RALGAPA2: variants seen among roughly 807,000 people sequenced by gnomAD.
The protein encoded by RALGAPA2 is Ral GTPase activating protein catalytic subunit alpha 2, also known as ral GTPase-activating protein subunit alpha-2.
RALGAPA2 carries 139 observed loss-of-function variants against 230.4 expected under a neutral mutation model. The observed-to-expected ratio is 0.60, with a 90% CI of 0.53 to 0.69. The LOEUF is 0.69. RALGAPA2 is among the 30% of genes least tolerant of loss of function. RALGAPA2 has a pLI of 0.00. For synonymous variants in RALGAPA2, 847 were observed against 837.8 expected, an observed-to-expected ratio of 1.01 and a Z score of -0.19; for missense variants, 2,163 against 2,276.0, an observed-to-expected ratio of 0.95 and a Z score of 1.01.
At chr20:20,621,076 G>C (rs967885764) in intron 10 of RALGAPA2, among the ~76,000 whole-genome samples, 3 of 151,752 alleles carry the variant, frequency 2.0e-5, no homozygotes, top group African/African-American at 7.3e-5. Context: ...AGGAGGTGGA[G>C]GTTGCAGTGA....
At chr20:20,582,010 G>A (rs948637050) in intron 20 of RALGAPA2, among the ~76,000 whole-genome samples, 4 of 151,996 alleles carry the variant, frequency 2.6e-5, no homozygotes, top group South Asian at 2.1e-4. Context: ...AGCCTTTCCC[G>A]CACTGATTCC....
chr20:20,400,479 C>G (rs1260770097), intron 38 of RALGAPA2, among the ~76,000 whole-genome samples: 1 of 152,150 alleles, frequency 6.6e-6, no homozygotes, highest in Non-Finnish European at 1.5e-5. Flanking sequence ...AAAAATTTTC[C>G]TGGCATTTTT....
chr20:20,639,987 A>G, intron 6 of RALGAPA2, 87 bp from the exon 7 acceptor site: 1 of 972,596 alleles, frequency 1.0e-6, no homozygotes, highest in Non-Finnish European at 1.6e-6. Context: ...CTCTATTAAA[A>G]TACATCTCTC....
intron 39 of RALGAPA2, among the ~76,000 whole-genome samples, chr20:20,394,746 C>A (rs1313088244): frequency 6.6e-6 from 1 of 152,160 alleles, no homozygotes; most frequent in East Asian, 1.9e-4. Context: ...CAAGGCATCT[C>A]TCCATCCCCT....
intron 23 of RALGAPA2, among the ~76,000 whole-genome samples, chr20:20,556,235 G>C (rs903391893): frequency 3.3e-5 from 5 of 152,138 alleles, no homozygotes; most frequent in African/African-American, 1.2e-4. Flanking sequence ...TTTGCTATGT[G>C]AACAAAACAT....
intron 25 of RALGAPA2, 109 bp from the exon 26 acceptor site, chr20:20,535,912 C>T (rs2063485355): frequency 7.0e-7 from 1 of 1,421,730 alleles, no homozygotes; most frequent in Non-Finnish European, 9.2e-7. Context: ...GACCAGGGAG[C>T]TCAGAGAGCT....
chr20:20,530,441 G>A (rs1479259362), intron 27 of RALGAPA2, among the ~76,000 whole-genome samples: 3 of 152,322 alleles, frequency 2.0e-5, no homozygotes, highest in Middle Eastern at 3.4e-3. Flanking sequence ...GGAGAAATAG[G>A]GGAGGATGAG....
intron 3 of RALGAPA2, among the ~76,000 whole-genome samples, chr20:20,657,654 T>A (rs984244167): frequency 6.6e-6 from 1 of 152,166 alleles, no homozygotes; most frequent in Admixed American, 6.5e-5. Flanking sequence ...TGTGCTTCCT[T>A]CCATGCAGTT....
At chr20:20,401,584 T>C (rs1489697587) in intron 38 of RALGAPA2, among the ~76,000 whole-genome samples, 1 of 152,214 alleles carries the variant, frequency 6.6e-6, no homozygotes, top group East Asian at 1.9e-4. Flanking sequence ...CAAGATACAC[T>C]GGGAGTGTGT....
rs6515112 is a variant in RALGAPA2, at chr20:20,623,260, C to A, written c.1234-2630G>T. On this transcript the variant is annotated intron_variant, in intron 10 of 39. Coordinates refer to ENST00000202677, the MANE Select transcript of RALGAPA2 (RefSeq NM_020343.4). ...ATCCAAAACATATGGACGGGGGAGG[C>A]TGAAAGTAAAGAGTTAGCGAAAGAT... Among the ~76,000 whole-genome samples the A allele has an allele frequency of 5.0e-3, 757 of 152,084 alleles. 5 individuals carry two copies. Among genetic ancestry groups the A allele is most frequent in the African/African-American group, 0.017 (721 of 41,502 alleles).
intron 14 of RALGAPA2, among the ~76,000 whole-genome samples, chr20:20,608,905 C>T (rs943794798): frequency 3.3e-5 from 5 of 152,224 alleles, no homozygotes; most frequent in African/African-American, 1.2e-4. Context: ...CTCAAGGCCA[C>T]ATAGCCAGAG....
chr20:20,599,765 G>C (rs1264333331), intron 16 of RALGAPA2, among the ~76,000 whole-genome samples: 1 of 152,084 alleles, frequency 6.6e-6, no homozygotes, highest in African/African-American at 2.4e-5. Context: ...CTGAGATCAG[G>C]AGTTCAAGAC....
chr20:20,566,118 G>A (rs1332015217), intron 23 of RALGAPA2, among the ~76,000 whole-genome samples: 1 of 152,140 alleles, frequency 6.6e-6, no homozygotes, highest in Non-Finnish European at 1.5e-5. Context: ...ATGACAGGAG[G>A]ACCCAGATCC....
intron 33 of RALGAPA2, among the ~76,000 whole-genome samples, chr20:20,507,761 G>T (rs1302477934): frequency 6.6e-6 from 1 of 152,118 alleles, no homozygotes; most frequent in Non-Finnish European, 1.5e-5. Context: ...AACAGGCAGG[G>T]GACACCAATG....
intron 38 of RALGAPA2, among the ~76,000 whole-genome samples, chr20:20,404,842 G>A (rs1569365800): frequency 1.3e-5 from 2 of 152,192 alleles, no homozygotes; most frequent in African/African-American, 4.8e-5. Context: ...CACCTTCAGA[G>A]TTCTGCCAAG....
At chr20:20,476,920 T>C (rs182195419) in intron 36 of RALGAPA2, among the ~76,000 whole-genome samples, 236 of 152,082 alleles carry the variant, frequency 1.6e-3, no homozygotes, top group African/African-American at 5.5e-3. Context: ...ACATGTAACA[T>C]CATGAAAATA....
intron 7 of RALGAPA2, among the ~76,000 whole-genome samples, chr20:20,638,840 T>C (rs1430226046): frequency 3.3e-5 from 5 of 152,058 alleles, no homozygotes; most frequent in African/African-American, 1.2e-4. Context: ...GGGGACAAAA[T>C]TGCTAAGTAT....
At chr20:20,601,080 T>A in intron 16 of RALGAPA2, among the ~76,000 whole-genome samples, 1 of 151,416 alleles carries the variant, frequency 6.6e-6, no homozygotes, top group East Asian at 1.9e-4. Flanking sequence ...AGCCTGGGCG[T>A]CAGAGCGAGA....
chr20:20,567,928 G>C (rs1005988593), intron 23 of RALGAPA2, among the ~76,000 whole-genome samples: 14 of 150,556 alleles, frequency 9.3e-5, no homozygotes, highest in African/African-American at 2.9e-4. Flanking sequence ...AATAGGCCAT[G>C]GTATTTATTG....
Sources: gnomAD v4.1 joint callset for allele counts (sites outside exome capture counted in the v4.1 genomes callset) on GRCh38, gnomAD v4.1.1 for gene constraint, MANE v1.5 for transcripts, NCBI Gene and HGNC (gene_info 2026-07-23, HGNC 2026-07-21) for gene names.